Variants in TRIO observed in about 807,000 individuals in gnomAD.
TRIO encodes the protein triple functional domain protein.
In TRIO, 58 loss-of-function variants were observed where a neutral mutation model predicts 351.9. The observed-to-expected ratio is 0.16, with a 90% CI of 0.13 to 0.21. The LOEUF (loss-of-function observed/expected upper bound fraction) is 0.21. Ranked by LOEUF, TRIO falls within the 10% of genes least tolerant of loss-of-function variation. The pLI is 1.00. For synonymous variants in TRIO, 1,758 were observed against 1,595.7 expected, an observed-to-expected ratio of 1.10 and a Z score of -2.42; for missense variants, 3,201 against 4,027.8, an observed-to-expected ratio of 0.79 and a Z score of 5.56.
chr5:14,298,359 G>A (rs1200473830), intron 7 of TRIO, among the ~76,000 whole-genome samples: 1 of 152,200 alleles, frequency 6.6e-6, no homozygotes, highest in Non-Finnish European at 1.5e-5. Context: ...TTTTCAGGAT[G>A]TGGAGAAAGG....
chr5:14,304,689 A>G (rs572350585), intron 8 of TRIO, 97 bp downstream of exon 8: 2 of 1,398,636 alleles, frequency 1.4e-6, no homozygotes, highest in African/African-American at 1.4e-5. Flanking sequence ...TAGCCCAGAA[A>G]AAGTTTATAG....
chr5:14,259,127 C>A (rs1311316939), intron 1 of TRIO, among the ~76,000 whole-genome samples: 1 of 152,206 alleles, frequency 6.6e-6, no homozygotes, highest in Non-Finnish European at 1.5e-5. Flanking sequence ...CTCACGCCTC[C>A]AGCGGTCACT....
chr5:14,330,067 G>A (rs180795023), intron 9 of TRIO, among the ~76,000 whole-genome samples: 48 of 152,290 alleles, frequency 3.2e-4, no homozygotes, highest in African/African-American at 1.1e-3. Flanking sequence ...GTTAGATATT[G>A]TCAGCGTTTT....
intron 33 of TRIO, among the ~76,000 whole-genome samples, chr5:14,417,339 T>G (rs1338725666): frequency 6.6e-6 from 1 of 152,250 alleles, no homozygotes; most frequent in Non-Finnish European, 1.5e-5. Context: ...TTGGTCTTTG[T>G]GGTTGTCTAG....
chr5:14,297,272 C>T lies in TRIO; in HGVS notation c.1368+9C>T, dbSNP rs1737444815. 2.5e-6 allele frequency: 4 copies of T among 1,611,660 alleles called. No individual in the cohort carries two copies. The highest frequency in any genetic ancestry group is 2.7e-5 in the African/African-American group (2 of 75,014). Reference sequence around the variant, plus strand: ...ACCAGAAGGCCGAAAAGGTCAGTGCCTTGAACCCCCAGCCCACGAGGTGGT... The same window carrying T: ...ACCAGAAGGCCGAAAAGGTCAGTGCTTTGAACCCCCAGCCCACGAGGTGGT... On this transcript the variant is annotated intron_variant, in intron 7 of 56. Transcript: ENST00000344204.
Position 14,187,062 on chromosome 5 carries a change from G to A in TRIO, c.157+43180G>A, listed in dbSNP as rs538667943. On this transcript the variant is annotated intron_variant, in intron 1 of 56. Transcript: ENST00000344204. ...AGATATGTAAATGTGGAGAAGTCGT[G>A]TGATGAAGAAGTTACTTGTCCAAGG... 5.9e-5 allele frequency among the ~76,000 whole-genome samples: 9 copies of A among 152,314 alleles called. 1 individual carries two copies. In the South Asian group the frequency reaches 1.9e-3, roughly 32 times the overall value.
intron 1 of TRIO, among the ~76,000 whole-genome samples, chr5:14,252,800 G>A (rs1794818890): frequency 6.6e-6 from 1 of 151,714 alleles, no homozygotes; most frequent in African/African-American, 2.4e-5. Context: ...GGACGAGGTT[G>A]TGCAGCCTTC....
chr5:14,406,466 C>A, intron 32 of TRIO, 107 bp from the exon 33 acceptor site: 1 of 1,016,352 alleles, frequency 9.8e-7, no homozygotes, highest in Non-Finnish European at 1.5e-6. Flanking sequence ...CTGGCAGCAG[C>A]AGGCACTCAC....
intron 7 of TRIO, among the ~76,000 whole-genome samples, chr5:14,298,595 G>A (rs904196060): frequency 5.3e-5 from 8 of 152,144 alleles, no homozygotes; most frequent in African/African-American, 1.9e-4. Flanking sequence ...GAAGATAGAG[G>A]CCCCAACTTG....
At chr5:14,391,609 A>AC (rs1317247587) in intron 27 of TRIO, among the ~76,000 whole-genome samples, 2 of 152,258 alleles carry the variant, frequency 1.3e-5, no homozygotes, top group Non-Finnish European at 1.5e-5. Flanking sequence ...AACGTGATAC[A>AC]CAGAGTGCTT....
intron 1 of TRIO, among the ~76,000 whole-genome samples, chr5:14,237,671 AC>A (rs1561236857): frequency 6.6e-6 from 1 of 152,124 alleles, no homozygotes; most frequent in Non-Finnish European, 1.5e-5. Flanking sequence ...GAGGCATAAA[AC>A]CCTCTACATT....
intron 1 of TRIO, among the ~76,000 whole-genome samples, chr5:14,167,165 G>T (rs1469752005): frequency 6.6e-6 from 1 of 150,924 alleles, no homozygotes; most frequent in East Asian, 1.9e-4. Flanking sequence ...GTTGCCTCTG[G>T]TGTTTCTATT....
intron 33 of TRIO, among the ~76,000 whole-genome samples, chr5:14,411,210 G>C (rs531959207): frequency 1.3e-5 from 2 of 152,268 alleles, no homozygotes; most frequent in East Asian, 1.9e-4. Flanking sequence ...TTTCATGCAA[G>C]AGCTGAATTT....
chr5:14,265,083 CTT>C (rs199891022), intron 1 of TRIO, among the ~76,000 whole-genome samples: 37 of 137,712 alleles, frequency 2.7e-4, no homozygotes, highest in East Asian at 2.1e-3. Flanking sequence ...ATGTAGGATT[CTT>C]TTTTTTTTTT....
chr5:14,402,818 TGGTGGCAGTGGTAGTACAGGC>T (rs1327882826), intron 31 of TRIO, among the ~76,000 whole-genome samples: 3 of 151,302 alleles, frequency 2.0e-5, no homozygotes, highest in Non-Finnish European at 4.4e-5. Flanking sequence ...GTGTAGAATT[TGGTGGCAGTGGTAGTACAGGC>T]GGTGGTAGTG....
At chr5:14,153,443 T>C (rs1269008816) in intron 1 of TRIO, among the ~76,000 whole-genome samples, 1 of 152,246 alleles carries the variant, frequency 6.6e-6, no homozygotes, top group Admixed American at 6.5e-5. Context: ...CTCCCAAAGC[T>C]GTAAGTCCCA....
At chr5:14,210,994 T>C (rs76005309) in intron 1 of TRIO, among the ~76,000 whole-genome samples, 1 of 152,302 alleles carries the variant, frequency 6.6e-6, no homozygotes, top group African/African-American at 2.4e-5. Context: ...AGCCCCTAGA[T>C]AACTTAGGTC....
chr5:14,423,924 A>ATTTTT (rs577094390), intron 34 of TRIO, among the ~76,000 whole-genome samples: 11 of 118,150 alleles, frequency 9.3e-5, no homozygotes, highest in Middle Eastern at 8.3e-3. Flanking sequence ...ACCCCATGGA[A>ATTTTT]TTTTTTTTTT....
chr5:14,210,607 TG>T (rs1791829014), intron 1 of TRIO, among the ~76,000 whole-genome samples: 1 of 152,178 alleles, frequency 6.6e-6, no homozygotes, highest in African/African-American at 2.4e-5. Context: ...GTTTTTTTGT[TG>T]TTGTTGTTGT....
Sources: gnomAD v4.1 joint callset for allele counts (sites outside exome capture counted in the v4.1 genomes callset) on GRCh38, gnomAD v4.1.1 for gene constraint, MANE v1.5 for transcripts, NCBI Gene and HGNC (gene_info 2026-07-23, HGNC 2026-07-21) for gene names.